Variants in RNF6 observed in about 807,000 individuals in gnomAD.
RNF6 encodes ring finger protein 6.
A neutral mutation model predicts 50.1 loss-of-function variants in RNF6; 21 were observed. The observed-to-expected ratio is 0.42, with a 90% CI of 0.30 to 0.60. The LOEUF (loss-of-function observed/expected upper bound fraction) is 0.60. Ranked by LOEUF, RNF6 falls within the 20% of genes least tolerant of loss-of-function variation. The pLI is 0.20. For missense variants in RNF6, 698 were observed against 838.2 expected (o/e 0.83, Z 2.07); for synonymous variants, 255 against 291.8 (o/e 0.87, Z 1.29).
intron 5 of RNF6, among the ~76,000 whole-genome samples, chr13:26,146,925 T>C (rs988136256): frequency 6.6e-6 from 1 of 152,168 alleles, no homozygotes; most frequent in African/African-American, 2.4e-5. Context: ...TCTCATGAGA[T>C]CTGGTTGTTT....
At position 26,179,851 on chromosome 13, in the gene RNF6, C is replaced by A. The variant is rs951916140; in HGVS notation, n.768+35623G>T. ...TCACCAGAATACACTTCACTAGGCCCAGGAGGACGACTACCACAAGCAGGA... is the reference window on the plus strand; with the variant it reads ...TCACCAGAATACACTTCACTAGGCCAAGGAGGACGACTACCACAAGCAGGA... On this transcript the variant is annotated intron_variant and non_coding_transcript_variant, in intron 5 of 5. Coordinates refer to the RNF6 transcript ENST00000468480. Among the ~76,000 whole-genome samples, 9 of 152,196 alleles carry A rather than the reference C, an allele frequency of 5.9e-5. 1 individual carries two copies. The highest frequency in any genetic ancestry group is 4.4e-5 in the Non-Finnish European group (3 of 68,040).
Position 26,213,912 on chromosome 13 carries a change from T to G in RNF6, c.1970A>C (p.His657Pro), listed in dbSNP as rs1458861921. The G allele has an allele frequency of 3.7e-6, 6 of 1,614,094 alleles. No individual in the cohort carries two copies. The highest frequency in any genetic ancestry group is 5.1e-6 in the Non-Finnish European group (6 of 1,179,972). ...QLPCMHEFHI[H>P]CIDRWLSENC... ...CTCTGAGAGCCATCGGTCAATACAA[T>G]GAATGTGAAATTCATGCATGCAAGG... Residue 657 changes from histidine to proline, a missense_variant, in exon 5 of 5, where the codon CAT becomes CCT. His to Pro is a moderately conservative substitution (Grantham distance 77). Transcript: ENST00000381588.
downstream of RNF6, among the ~76,000 whole-genome samples, chr13:26,208,531 A>C (rs1290696693): frequency 6.6e-6 from 1 of 152,120 alleles, no homozygotes; most frequent in Non-Finnish European, 1.5e-5. Flanking sequence ...GACTGTGCTA[A>C]TATCTTTTCC....
At chr13:26,153,892 A>G (rs114919624) in intron 5 of RNF6, among the ~76,000 whole-genome samples, 318 of 152,316 alleles carry the variant, frequency 2.1e-3, no homozygotes, top group African/African-American at 7.3e-3. Context: ...CCCAAAATGG[A>G]ATTTCAGTGT....
downstream of RNF6, among the ~76,000 whole-genome samples, chr13:26,212,594 C>T (rs1234096401): frequency 6.6e-6 from 1 of 150,902 alleles, no homozygotes; most frequent in African/African-American, 2.4e-5. Context: ...TAATAATTCA[C>T]TTTATCAATT....
At chr13:26,210,066 TCTAGAGA>T (rs1488489888), downstream of RNF6, among the ~76,000 whole-genome samples, 2 of 152,144 alleles carry the variant, frequency 1.3e-5, no homozygotes, top group African/African-American at 2.4e-5. Flanking sequence ...GCAATCTGTC[TCTAGAGA>T]CTAAAGAAAA....
intron 5 of RNF6, among the ~76,000 whole-genome samples, chr13:26,184,573 G>T (rs1331531288): frequency 6.6e-6 from 1 of 152,186 alleles, no homozygotes; most frequent in African/African-American, 2.4e-5. Flanking sequence ...CTTGACATAT[G>T]AGAACAGATT....
chr13:26,133,815 TAA>T (rs569005959), intron 5 of RNF6, among the ~76,000 whole-genome samples: 122 of 152,366 alleles, frequency 8.0e-4, no homozygotes, highest in African/African-American at 2.8e-3. Context: ...CGGATAATTC[TAA>T]GATTTCTATT....
chr13:26,185,512 C>A (rs904233372), intron 5 of RNF6, among the ~76,000 whole-genome samples: 1 of 151,896 alleles, frequency 6.6e-6, no homozygotes, highest in Non-Finnish European at 1.5e-5. Context: ...TTTGGGAGGC[C>A]GAGGTGGGCG....
At chr13:26,168,205 T>C (rs756827847) in intron 5 of RNF6, among the ~76,000 whole-genome samples, 3 of 152,120 alleles carry the variant, frequency 2.0e-5, no homozygotes, top group Non-Finnish European at 4.4e-5. Context: ...AAAATAAAAG[T>C]TTGAAAAAGA....
At chr13:26,181,640 A>G (rs1257599849) in intron 5 of RNF6, among the ~76,000 whole-genome samples, 3 of 152,332 alleles carry the variant, frequency 2.0e-5, no homozygotes, top group East Asian at 1.9e-4. Context: ...ATGTCTCTGT[A>G]TCTTGGACCC....
intron 5 of RNF6, among the ~76,000 whole-genome samples, chr13:26,178,460 C>T (rs570147434): frequency 3.4e-5 from 5 of 148,834 alleles, no homozygotes; most frequent in Admixed American, 6.7e-5. Context: ...AAAGGCCCCA[C>T]GTCCTAATAC....
At chr13:26,169,833 G>T (rs1422385945) in intron 5 of RNF6, among the ~76,000 whole-genome samples, 1 of 152,140 alleles carries the variant, frequency 6.6e-6, no homozygotes, top group African/African-American at 2.4e-5. Flanking sequence ...ATAGGCTACA[G>T]TCTCCCTATG....
intron 5 of RNF6, among the ~76,000 whole-genome samples, chr13:26,184,557 G>T (rs1593173656): frequency 6.6e-6 from 1 of 152,152 alleles, no homozygotes; most frequent in East Asian, 1.9e-4. Context: ...AAAAAGATTT[G>T]TAAGACTTGA....
At chr13:26,144,395 C>A (rs1871125502) in intron 5 of RNF6, among the ~76,000 whole-genome samples, 1 of 146,128 alleles carries the variant, frequency 6.8e-6, no homozygotes, top group East Asian at 2.0e-4. Context: ...TTTTTTTTCA[C>A]TATTTCAGAG....
At chr13:26,210,213 A>G (rs1869267807), downstream of RNF6, among the ~76,000 whole-genome samples, 1 of 152,206 alleles carries the variant, frequency 6.6e-6, no homozygotes, top group African/African-American at 2.4e-5. Flanking sequence ...AGTGTTGCAC[A>G]GGACTGAATG....
intron 5 of RNF6, among the ~76,000 whole-genome samples, chr13:26,176,972 G>A (rs1207075024): frequency 2.0e-5 from 3 of 152,098 alleles, no homozygotes; most frequent in African/African-American, 7.2e-5. Context: ...GAATATGCCA[G>A]GTGAAGACAG....
intron 5 of RNF6, among the ~76,000 whole-genome samples, chr13:26,139,959 G>T (rs564609158): frequency 6.6e-6 from 1 of 152,218 alleles, no homozygotes; most frequent in African/African-American, 2.4e-5. Context: ...GAGTACCTGG[G>T]ATTACAGGCA....
intron 5 of RNF6, among the ~76,000 whole-genome samples, chr13:26,205,012 C>T (rs1015447176): frequency 1.3e-5 from 2 of 152,140 alleles, no homozygotes; most frequent in Non-Finnish European, 1.5e-5. Context: ...CCCTCCAAAG[C>T]GGCTTGGGAA....
Sources: allele counts gnomAD v4.1 joint callset (sites outside exome capture counted in the v4.1 genomes callset), GRCh38; gene constraint gnomAD v4.1.1; transcripts MANE v1.5; gene names NCBI Gene and HGNC (gene_info 2026-07-23, HGNC 2026-07-21).